The following RUFY3 variants were observed in gnomAD, a reference collection of about 807,000 sequenced individuals.
RUFY3 encodes the protein RUN and FYVE domain containing 3, also known as protein RUFY3.
Under a neutral mutation model 84.0 loss-of-function variants are expected in RUFY3, and 34 were observed. That is an observed-to-expected ratio of 0.40 (90% CI 0.31 to 0.54). RUFY3 has a LOEUF of 0.54. Ranked by LOEUF, RUFY3 falls within the 20% of genes least tolerant of loss-of-function variation. RUFY3 has a pLI of 0.39. For missense variants in RUFY3, 507 were observed against 736.8 expected (o/e 0.69, Z 3.61); for synonymous variants, 242 against 252.9 (o/e 0.96, Z 0.41).
rs112717913 is a variant in RUFY3 at position 70,728,673 on chromosome 4, G to T, written c.178+5922G>T. ...TCCTTGTTCTTAAACTAAATGTCCAGCTTTTGGTCTATTTTCTTTTTTCTT... is the reference window on the plus strand; with the variant it reads ...TCCTTGTTCTTAAACTAAATGTCCATCTTTTGGTCTATTTTCTTTTTTCTT... On this transcript the variant is annotated intron_variant, in intron 1 of 17. Transcript: ENST00000381006. 3.6e-3 allele frequency among the ~76,000 whole-genome samples: 541 copies of T among 152,194 alleles called. 2 individuals are homozygous for T. Among genetic ancestry groups the T allele is most frequent in the African/African-American group, 0.013 (525 of 41,528 alleles).
chr4:70,771,050 G>A (rs1384918978), intron 5 of RUFY3, among the ~76,000 whole-genome samples: 9 of 152,090 alleles, frequency 5.9e-5, no homozygotes, highest in Admixed American at 1.3e-4. Flanking sequence ...TTATATGGGC[G>A]TAGTTCATGG....
chr4:70,716,839 C>G (rs149110829), intron 1 of RUFY3, among the ~76,000 whole-genome samples: 2 of 132,418 alleles, frequency 1.5e-5, no homozygotes, highest in African/African-American at 3.1e-5. Context: ...GAACAAAACT[C>G]TGTCTCAAAA....
At chr4:70,757,113 T>TA (rs148444810) in intron 1 of RUFY3, among the ~76,000 whole-genome samples, 3,148 of 147,308 alleles carry the variant, frequency 0.021, 115 homozygotes, top group East Asian at 0.16. Flanking sequence ...CTACAAAAAA[T>TA]AAAAAAAAAA....
At chr4:70,756,967 C>CA (rs537478389) in intron 1 of RUFY3, among the ~76,000 whole-genome samples, 22 of 150,376 alleles carry the variant, frequency 1.5e-4, no homozygotes, top group South Asian at 2.1e-4. Context: ...TGTCATTTAA[C>CA]AAAAAAAAAA....
At chr4:70,792,123 C>T (rs1009934022) in intron 12 of RUFY3, 1 of 985,480 alleles carries the variant, frequency 1.0e-6, no homozygotes, top group Non-Finnish European at 1.2e-6. Flanking sequence ...ACACTCCTCT[C>T]CTATTAACAA....
intron 1 of RUFY3, 107 bp from the exon 2 acceptor site, chr4:70,762,411 AT>A (rs1033994555): frequency 2.8e-4 from 273 of 979,692 alleles, no homozygotes; most frequent in Non-Finnish European, 3.6e-4. Context: ...GGAAACTGGC[AT>A]TTTTTTTCAC....
chr4:70,779,671 C>G (rs1247266180), intron 8 of RUFY3, among the ~76,000 whole-genome samples: 2 of 151,600 alleles, frequency 1.3e-5, no homozygotes, highest in African/African-American at 4.9e-5. Context: ...TAACCCCCGC[C>G]CCCCGGGCTC....
At chr4:70,797,526 A>G (rs1013122388) in intron 14 of RUFY3, among the ~76,000 whole-genome samples, 1 of 152,142 alleles carries the variant, frequency 6.6e-6, no homozygotes, top group African/African-American at 2.4e-5. Flanking sequence ...AAATAGTACC[A>G]CTACTAATAA....
intron 1 of RUFY3, among the ~76,000 whole-genome samples, chr4:70,708,614 T>G (rs143925645): frequency 6.6e-6 from 1 of 152,260 alleles, no homozygotes. Flanking sequence ...TAAAATATTA[T>G]AGCTTTGAAA....
At chr4:70,764,752 G>C (rs545136936) in intron 4 of RUFY3, among the ~76,000 whole-genome samples, 176 bp downstream of exon 4, 1 of 152,130 alleles carries the variant, frequency 6.6e-6, no homozygotes, top group Non-Finnish European at 1.5e-5. Context: ...TTTATGTTAT[G>C]TGTGTTCTGT....
rs111498356 is a variant in RUFY3, at chr4:70,754,708, G to A, written c.179-7811G>A. 6.4e-3 allele frequency among the ~76,000 whole-genome samples: 976 copies of A among 151,604 alleles called. 12 individuals carry two copies. The highest frequency in any genetic ancestry group is 0.022 in the African/African-American group (920 of 41,390). ...AGTTTTATACGCTAAGGTCTTTTTAGTACTTTCACTTCTTTCTTTCACAAT... is the reference window on the plus strand; with the variant it reads ...AGTTTTATACGCTAAGGTCTTTTTAATACTTTCACTTCTTTCTTTCACAAT... On this transcript the variant is annotated intron_variant, in intron 1 of 17. Transcript: ENST00000381006.
rs11931249 is a variant in RUFY3, at chr4:70,751,479, T to C, written c.179-11040T>C. 9.9e-3 allele frequency among the ~76,000 whole-genome samples: 1,513 copies of C among 152,334 alleles called. 23 individuals are homozygous for C. Among genetic ancestry groups the C allele is most frequent in the Middle Eastern group, 0.048 (14 of 294 alleles). ...TGTTATCCTAGTGAGTGTGAAAAGG[T>C]ATCTCATCTTGATTTGTATTTCTCT... is the stretch of plus-strand genomic sequence containing the variant. On this transcript the variant is annotated intron_variant, in intron 1 of 17. Coordinates refer to ENST00000381006, the MANE Select transcript of RUFY3 (RefSeq NM_001037442.4).
At chr4:70,772,303 G>A (rs1238105871) in intron 5 of RUFY3, among the ~76,000 whole-genome samples, 3 of 152,064 alleles carry the variant, frequency 2.0e-5, no homozygotes, top group Non-Finnish European at 1.5e-5. Flanking sequence ...TCAGCCCTCT[G>A]CGTCCTTGGA....
At chr4:70,781,678 C>T (rs1728940557) in intron 8 of RUFY3, among the ~76,000 whole-genome samples, 1 of 152,152 alleles carries the variant, frequency 6.6e-6, no homozygotes, top group South Asian at 2.1e-4. Flanking sequence ...CATTTTTAGG[C>T]CACAGGATCT....
chr4:70,704,800 C>T (rs937330093), upstream of RUFY3: 3 of 545,460 alleles, frequency 5.5e-6, no homozygotes, highest in African/African-American at 2.0e-5. Flanking sequence ...GGCGCCAGCC[C>T]GTGGCCGAGA....
chr4:70,760,554 A>ATTT (rs372477580), intron 1 of RUFY3, among the ~76,000 whole-genome samples: 1 of 138,024 alleles, frequency 7.2e-6, no homozygotes, highest in African/African-American at 2.7e-5. Context: ...CCCCAGCTCT[A>ATTT]TTTTTTTTTT....
intron 1 of RUFY3, among the ~76,000 whole-genome samples, chr4:70,723,221 A>G (rs965448658): frequency 4.6e-5 from 7 of 152,212 alleles, no homozygotes; most frequent in Non-Finnish European, 1.0e-4. Flanking sequence ...TGAGGATACA[A>G]TTTTAAGCAA....
At chr4:70,719,621 A>G (rs1021791375), upstream of RUFY3, among the ~76,000 whole-genome samples, 1 of 152,200 alleles carries the variant, frequency 6.6e-6, no homozygotes, top group East Asian at 1.9e-4. Flanking sequence ...GGAATGTCCC[A>G]TGTAATTTGA....
At chr4:70,795,277 A>G (rs1008320097) in intron 14 of RUFY3, among the ~76,000 whole-genome samples, 10 of 152,290 alleles carry the variant, frequency 6.6e-5, no homozygotes, top group Admixed American at 3.9e-4. Flanking sequence ...CTTTAACAGA[A>G]TTTTCCTCAA....
Sources: allele counts gnomAD v4.1 joint callset (sites outside exome capture counted in the v4.1 genomes callset), GRCh38; gene constraint gnomAD v4.1.1; transcripts MANE v1.5; gene names NCBI Gene and HGNC (gene_info 2026-07-23, HGNC 2026-07-21).